CLCN2: variants seen among roughly 807,000 people sequenced by gnomAD.
CLCN2 encodes chloride voltage-gated channel 2, also known as chloride channel protein 2.
CLCN2 carries 72 observed loss-of-function variants against 108.3 expected under a neutral mutation model. The ratio of observed to expected loss-of-function variants is 0.66; its 90% CI spans 0.55 to 0.81. The LOEUF is 0.81. Among genes scored for constraint, CLCN2 ranks in the 30% least tolerant of loss-of-function variants. CLCN2 has a pLI of 0.00. For synonymous variants in CLCN2, 471 were observed against 467.1 expected (o/e 1.01, Z -0.11); for missense variants, 1,048 against 1,205.2 (o/e 0.87, Z 1.93).
chr3:184,353,533 A>C (rs1728295750), intron 16 of CLCN2, 111 bp from the exon 17 acceptor site: 1 of 1,542,276 alleles, frequency 6.5e-7, no homozygotes, highest in Admixed American at 1.9e-5. Context: ...ACCAGAGGGA[A>C]GCCCCCACCT....
rs1577316654 is a variant in CLCN2, at chr3:184,354,729, G to A, written c.1397-71C>T. 25 of 1,386,236 alleles carry A rather than the reference G, an allele frequency of 1.8e-5. No individual in the cohort carries two copies. The East Asian group carries it at 3.0e-4, about 17-fold the overall frequency. 85.9% of individuals were successfully genotyped at this position (1,386,236 alleles called of 1,614,324 possible). ...GGCAGGGGGCACTAGGAAGAGAGAGGGTCAGAGGGTGAGGGAGGGGCCAAC... is the reference window on the plus strand; with the variant it reads ...GGCAGGGGGCACTAGGAAGAGAGAGAGTCAGAGGGTGAGGGAGGGGCCAAC... On this transcript the variant is annotated intron_variant, in intron 13 of 23. Transcript: ENST00000265593.
chr3:184,354,179 A>G lies in CLCN2; in HGVS notation c.1643T>C (p.Leu548Pro). ...GATGCTGTCATAGAGGGAGGGCTGC[A>G]GACTCTGGGCGACAGCGTTGGCCAG... ...VILANAVAQS[L>P]QPSLYDSIIR... The change falls in exon 15 of 24, where the codon CTG becomes CCG. Residue 548 changes from leucine (L) to proline (P), a missense_variant. Coordinates refer to ENST00000265593, the MANE Select transcript of CLCN2 (RefSeq NM_004366.6). The G allele has an allele frequency of 6.2e-7, 1 of 1,613,388 alleles. No homozygotes were observed. The highest frequency in any genetic ancestry group is 8.5e-7 in the Non-Finnish European group (1 of 1,179,936).
Position 184,355,660 on chromosome 3 carries a change from G to A in CLCN2, c.1170+34C>T. On this transcript the variant is annotated intron_variant, in intron 11 of 23. Transcript: ENST00000265593. The surrounding 1 kb of genome is among the most constrained non-coding windows in gnomAD (Gnocchi z 6.3). Reference sequence around the variant, plus strand: ...GGCTTTGGAGGAATGCCTTCCAAGGGAAAGCACAAAACTCCTGTTCTGCCT... The same window carrying A: ...GGCTTTGGAGGAATGCCTTCCAAGGAAAAGCACAAAACTCCTGTTCTGCCT... 1.2e-6 allele frequency: 2 copies of A among 1,611,264 alleles called. No individual in the cohort carries two copies. Among genetic ancestry groups the A allele is most frequent in the African/African-American group, 1.3e-5 (1 of 74,960 alleles).
In CLCN2 at chr3:184,351,941, T is replaced by C. The variant is rs1577307884; in HGVS notation, c.2415+72A>G. ...CTTCCCCACTGGCCTGAGTCCAAAC[T>C]TGTAGGGGGACCAAGATCCCCACTG... On this transcript the variant is annotated intron_variant, in intron 22 of 23. Coordinates refer to ENST00000265593, the MANE Select transcript of CLCN2 (RefSeq NM_004366.6). 1.1e-5 allele frequency: 13 copies of C among 1,158,802 alleles called. No individual in the cohort carries two copies. In the East Asian group the frequency reaches 3.0e-4, roughly 27 times the overall value. The allele number at this position is 1,158,802 out of a possible 1,614,324, so 71.8% of individuals were successfully genotyped here. A position where few individuals can be genotyped will look rare whatever the true frequency, so the allele number is the denominator to read the frequency against.
At chr3:184,354,688 G>A (rs748343370) in intron 13 of CLCN2, 30 bp from the exon 14 acceptor site, 1 of 1,481,006 alleles carries the variant, frequency 6.8e-7, no homozygotes. Flanking sequence ...AAGAGAAAGA[G>A]GCAGTGGAGG....
At chr3:184,359,244 C>A in intron 1 of CLCN2, 113 bp from the exon 2 acceptor site, 5 of 1,301,932 alleles carry the variant, frequency 3.8e-6, no homozygotes, top group Non-Finnish European at 5.5e-6. Context: ...GGATATCCCT[C>A]TTGAACGCAC....
At position 184,355,276 on chromosome 3, in the gene CLCN2, T is replaced by C. The variant is rs537110488; in HGVS notation, c.1326+98A>G. On this transcript the variant is annotated intron_variant, in intron 12 of 23. Coordinates refer to ENST00000265593, the MANE Select transcript of CLCN2 (RefSeq NM_004366.6). The surrounding 1 kb of genome is among the most constrained non-coding windows in gnomAD (Gnocchi z 6.3). ...GGGGGTGATAATAGTGCCTTTCCCA[T>C]GGCACTGTGGAGAGGCTTCGAGGAG... The C allele has an allele frequency of 9.0e-6, 12 of 1,331,874 alleles. No homozygotes were observed. Among genetic ancestry groups the C allele is most frequent in the South Asian group, 2.4e-5 (2 of 84,628 alleles). The allele number at this position is 1,331,874 out of a possible 1,614,324, so 82.5% of individuals were successfully genotyped here.
rs1044944570 is a variant in CLCN2 at position 184,355,582 on chromosome 3, G to A, written c.1171-53C>T. 7 of 1,611,086 alleles carry A rather than the reference G, an allele frequency of 4.3e-6. No homozygotes were observed. Among genetic ancestry groups the A allele is most frequent in the African/African-American group, 4.0e-5 (3 of 74,860 alleles). On this transcript the variant is annotated intron_variant, in intron 11 of 23. Coordinates refer to ENST00000265593, the MANE Select transcript of CLCN2 (RefSeq NM_004366.6). The surrounding 1 kb of genome is among the most constrained non-coding windows in gnomAD (Gnocchi z 6.3). ...GGAAACCGACAGGATGAAGGGAAGA[G>A]GCCATGGGATCCCACGGGGAACAAG... is the stretch of plus-strand genomic sequence containing the variant.
At chr3:184,357,515 G>A (rs747844608) in intron 7 of CLCN2, 28 bp from the exon 8 acceptor site, 10 of 1,614,150 alleles carry the variant, frequency 6.2e-6, no homozygotes, top group Middle Eastern at 1.6e-4. Context: ...ACCAGCACTT[G>A]AGGCCTGGGC....
rs753734693 is a variant in CLCN2, at chr3:184,359,000, T to C, written c.195A>G (p.Gly65=). Residue 65 remains glycine (G), a synonymous_variant, in exon 2 of 24, where the codon GGA becomes GGG. Coordinates refer to ENST00000265593, the MANE Select transcript of CLCN2 (RefSeq NM_004366.6). The stretch of plus-strand genomic sequence containing the variant: ...CGCGGCATCGGGCGCAACGGCTCCG[T>C]CCATATTCCAAGAGCTCTGGGGCAG... The part of the protein sequence containing the change: ...SRAAPELLEY[G]RSRCARCRVC... 2.5e-6 allele frequency: 4 copies of C among 1,613,520 alleles called. No homozygotes were observed. In the East Asian group the frequency reaches 6.7e-5, roughly 27 times the overall value.
chr3:184,353,807 G>C lies in CLCN2; in HGVS notation c.1722-12C>G, dbSNP rs1332854502. ...GCACCCGGTACTGCCTGGGGGCCGA[G>C]AGAGGCGCTTGGTTTGTGGTCAGCA... On this transcript the variant is annotated splice_polypyrimidine_tract_variant and intron_variant, in intron 15 of 23. Coordinates refer to ENST00000265593, the MANE Select transcript of CLCN2 (RefSeq NM_004366.6). 2 of 1,602,898 alleles carry C rather than the reference G, an allele frequency of 1.2e-6. No individual in the cohort carries two copies. Among genetic ancestry groups the C allele is most frequent in the Non-Finnish European group, 1.7e-6 (2 of 1,175,654 alleles).
rs1257204100 is a variant in CLCN2, at chr3:184,359,147, G to A, written c.64-16C>T. 1.2e-6 allele frequency: 2 copies of A among 1,613,574 alleles called. No homozygotes were observed. Among genetic ancestry groups the A allele is most frequent in the Admixed American group, 1.7e-5 (1 of 60,020 alleles). ...GGCCATACATCTGGAGCAACAGAGG[G>A]GATGGGGGCATTCGAGGTCATGGGC... On this transcript the variant is annotated splice_polypyrimidine_tract_variant and intron_variant, in intron 1 of 23. Transcript: ENST00000265593.
Position 184,355,203 on chromosome 3 carries a change from G to A in CLCN2, c.1326+171C>T. 2.4e-6 allele frequency: 2 copies of A among 835,156 alleles called. No homozygotes were observed. The highest frequency in any genetic ancestry group is 2.0e-5 in the Admixed American group (1 of 50,120). The allele number at this position is 835,156 out of a possible 1,614,324, so 51.7% of individuals were successfully genotyped here. Reference sequence around the variant, plus strand: ...GATCATCGCTCTGCCCTCTAGCTGTGTGACTTTGGGCCAGCTACTTGTGTT... The same window carrying A: ...GATCATCGCTCTGCCCTCTAGCTGTATGACTTTGGGCCAGCTACTTGTGTT... On this transcript the variant is annotated intron_variant, in intron 12 of 23. Coordinates refer to ENST00000265593, the MANE Select transcript of CLCN2 (RefSeq NM_004366.6). The surrounding 1 kb of genome is among the most constrained non-coding windows in gnomAD (Gnocchi z 6.3).
rs569818242 is a variant in CLCN2 at position 184,355,255 on chromosome 3, G to A, written c.1326+119C>T. 6.1e-6 allele frequency: 7 copies of A among 1,144,336 alleles called. No individual in the cohort carries two copies. Among genetic ancestry groups the A allele is most frequent in the East Asian group, 2.4e-5 (1 of 42,514 alleles). 70.9% of individuals were successfully genotyped at this position (1,144,336 alleles called of 1,614,324 possible). A position where few individuals can be genotyped will look rare whatever the true frequency, so the allele number is the denominator to read the frequency against. On this transcript the variant is annotated intron_variant, in intron 12 of 23. Transcript: ENST00000265593. This position sits in a 1 kb window ranked among gnomAD's most constrained non-coding sequence, Gnocchi z 6.3. The stretch of plus-strand genomic sequence containing the variant: ...CGACTCCCCCATCTTTCAAACGGGG[G>A]TGATAATAGTGCCTTTCCCATGGCA...
Position 184,352,620 on chromosome 3 carries a change from G to A in CLCN2, c.2217+117C>T, listed in dbSNP as rs1728199165. On this transcript the variant is annotated intron_variant, in intron 19 of 23. Transcript: ENST00000265593. ...CCACAGGACCTGAGCTGACAGCAGG[G>A]AGGGCCGAAGGGCAGGGAGAATAGA... 4.1e-6 allele frequency: 6 copies of A among 1,448,888 alleles called. No homozygotes were observed. In the Admixed American group the frequency reaches 9.0e-5, roughly 22 times the overall value. 89.8% of individuals were successfully genotyped at this position (1,448,888 alleles called of 1,614,324 possible).
At position 184,346,724 on chromosome 3, in the gene CLCN2, C is replaced by G. The variant is rs1047220422; in HGVS notation, c.2579G>C (p.Ser860Thr). 6 of 1,614,208 alleles carry G rather than the reference C, an allele frequency of 3.7e-6. No homozygotes were observed. Among genetic ancestry groups the G allele is most frequent in the Non-Finnish European group, 5.1e-6 (6 of 1,180,044 alleles). The change falls in exon 24 of 24, where the codon AGT becomes ACT. Residue 860 changes from serine to threonine, a missense_variant. Transcript: ENST00000265593. This position sits in a 1 kb window ranked among gnomAD's most constrained non-coding sequence, Gnocchi z 6.0. ...VRPPLASFRDSATSSSDTETT... is the reference protein window; with the variant it reads ...VRPPLASFRDTATSSSDTETT... ...CTCCGTGTCACTGCTGCTGGTGGCACTGTCTCGGAAGCTGGCGAGGGGCGG... is the reference window on the plus strand; with the variant it reads ...CTCCGTGTCACTGCTGCTGGTGGCAGTGTCTCGGAAGCTGGCGAGGGGCGG...
At chr3:184,359,895 A>AGCTG (rs1276530448) in intron 1 of CLCN2, among the ~76,000 whole-genome samples, 2 of 143,072 alleles carry the variant, frequency 1.4e-5, no homozygotes, top group African/African-American at 5.2e-5. Context: ...AGACCTGCCA[A>AGCTG]GCTGGGCGTG....
intron 22 of CLCN2, chr3:184,348,527 G>C (rs972386011): frequency 6.9e-6 from 1 of 145,980 alleles, no homozygotes; most frequent in African/African-American, 2.5e-5. Context: ...TGTGTTTCTT[G>C]AATACCTATA....
At chr3:184,348,149 T>C (rs73187650) in intron 22 of CLCN2, 31,940 of 152,168 alleles carry the variant, frequency 0.21, 4,264 homozygotes, top group Middle Eastern at 0.36. Context: ...TTCCAGAACT[T>C]TCCTAAATTT....
Sources: allele counts gnomAD v4.1 joint callset (sites outside exome capture counted in the v4.1 genomes callset), GRCh38; gene constraint gnomAD v4.1.1; non-coding constraint Gnocchi (gnomAD v3.1); transcripts MANE v1.5; gene names NCBI Gene and HGNC (gene_info 2026-07-23, HGNC 2026-07-21).